SKAP1: variants seen among roughly 807,000 people sequenced by gnomAD.
SKAP1 encodes the protein src kinase associated phosphoprotein 1, also known as src kinase-associated phosphoprotein 1.
Under a neutral mutation model 58.5 loss-of-function variants are expected in SKAP1, and 44 were observed. The ratio of observed to expected loss-of-function variants is 0.75; its 90% CI spans 0.59 to 0.97. The LOEUF (loss-of-function observed/expected upper bound fraction) is 0.97, where lower values mean the gene tolerates loss of function less well. Among genes scored for constraint, SKAP1 ranks in the 50% least tolerant of loss-of-function variants. The pLI is 0.00. For synonymous variants in SKAP1, 127 were observed against 149.7 expected (o/e 0.85, Z 1.11); for missense variants, 390 against 435.2 (o/e 0.90, Z 0.92).
chr17:48,390,904 G>A (rs542605776), intron 2 of SKAP1, among the ~76,000 whole-genome samples: 54 of 152,132 alleles, frequency 3.5e-4, no homozygotes, highest in African/African-American at 1.3e-3. Flanking sequence ...GTGAAACCCC[G>A]TCTTCACTAA....
intron 4 of SKAP1, among the ~76,000 whole-genome samples, chr17:48,267,355 C>T (rs1332001539): frequency 3.3e-5 from 5 of 152,092 alleles, no homozygotes; most frequent in Non-Finnish European, 7.4e-5. Context: ...TAATGTTGAA[C>T]AAAAGGAACA....
intron 1 of SKAP1, among the ~76,000 whole-genome samples, chr17:48,413,523 A>AAAAAAATATATATATATAT: frequency 1.9e-5 from 2 of 105,508 alleles, no homozygotes; most frequent in African/African-American, 8.6e-5. Flanking sequence ...TCAAAAAAAA[A>AAAAAAATATATATATATAT]ATATATATAT....
At chr17:48,221,517 A>C (rs999149164) in intron 4 of SKAP1, among the ~76,000 whole-genome samples, 2 of 152,214 alleles carry the variant, frequency 1.3e-5, no homozygotes, top group African/African-American at 4.8e-5. Flanking sequence ...GGCATGGCTA[A>C]AAGAATTTGT....
chr17:48,426,751 T>C (rs1175596741), intron 1 of SKAP1, among the ~76,000 whole-genome samples: 1 of 152,204 alleles, frequency 6.6e-6, no homozygotes, highest in African/African-American at 2.4e-5. Context: ...ACTATTTCTA[T>C]ATGAGAGCTT....
intron 4 of SKAP1, among the ~76,000 whole-genome samples, chr17:48,214,393 A>T (rs1452709994): frequency 6.6e-6 from 1 of 152,206 alleles, no homozygotes; most frequent in Non-Finnish European, 1.5e-5. Context: ...CCTCTAAAAC[A>T]TATCAAACTT....
chr17:48,192,008 TG>T (rs898353397), intron 4 of SKAP1, among the ~76,000 whole-genome samples: 2 of 152,116 alleles, frequency 1.3e-5, no homozygotes, highest in African/African-American at 4.8e-5. Flanking sequence ...CTCTCTGAAG[TG>T]CTGTCAAAAA....
intron 1 of SKAP1, among the ~76,000 whole-genome samples, chr17:48,415,873 A>C (rs1242857141): frequency 1.3e-5 from 2 of 152,114 alleles, no homozygotes; most frequent in Non-Finnish European, 2.9e-5. Context: ...GGGGATAAAG[A>C]GTGCACTCCC....
At chr17:48,415,182 A>G (rs1171049556) in intron 1 of SKAP1, among the ~76,000 whole-genome samples, 1 of 152,172 alleles carries the variant, frequency 6.6e-6, no homozygotes, top group East Asian at 1.9e-4. Context: ...GTGTTCCTAG[A>G]GGGGAAATTT....
chr17:48,305,888 A>G (rs2066134540), intron 4 of SKAP1, among the ~76,000 whole-genome samples: 1 of 152,142 alleles, frequency 6.6e-6, no homozygotes, highest in Admixed American at 6.5e-5. Flanking sequence ...ACCAAAAAAA[A>G]ATTGTTGTGG....
At chr17:48,331,273 TA>T (rs922038753) in intron 4 of SKAP1, among the ~76,000 whole-genome samples, 23 of 151,850 alleles carry the variant, frequency 1.5e-4, no homozygotes, top group Admixed American at 1.1e-3. Context: ...GTGGATTTTT[TA>T]AAAAAAAATA....
At chr17:48,173,410 T>G (rs2064243965) in intron 9 of SKAP1, among the ~76,000 whole-genome samples, 1 of 152,126 alleles carries the variant, frequency 6.6e-6, no homozygotes, top group Non-Finnish European at 1.5e-5. Flanking sequence ...AGGAAACAGA[T>G]CATGCTGAAA....
intron 1 of SKAP1, among the ~76,000 whole-genome samples, chr17:48,429,455 C>CA (rs2144632827): frequency 6.6e-6 from 1 of 152,306 alleles, no homozygotes; most frequent in South Asian, 2.1e-4. Flanking sequence ...GAACACACCA[C>CA]AATGGGGGCA....
chr17:48,306,393 G>C (rs1316878561), intron 4 of SKAP1, among the ~76,000 whole-genome samples: 1 of 151,968 alleles, frequency 6.6e-6, no homozygotes, highest in Admixed American at 6.6e-5. Context: ...CTTTTTCAAG[G>C]CTTTGTTCAT....
rs758850569 is a variant in SKAP1 at position 48,184,785 on chromosome 17, G to T, written c.505C>A (p.Arg169=). ...CAGGATTCTTTCTTGGAATCTCTTC[G>T]CAGGTGGGGGGCCATCCGTACACCG... ...GYGVRMAPHL[R]RDSKKESCFE... The change falls in exon 7 of 13, where the codon CGA becomes AGA. Residue 169 remains arginine, a synonymous_variant. Transcript: ENST00000336915. 1 of 1,613,960 alleles carries T rather than the reference G, an allele frequency of 6.2e-7. No homozygotes were observed. The highest frequency in any genetic ancestry group is 8.5e-7 in the Non-Finnish European group (1 of 1,179,902).
intron 4 of SKAP1, among the ~76,000 whole-genome samples, chr17:48,196,506 G>T (rs989929615): frequency 2.6e-5 from 4 of 152,118 alleles, no homozygotes; most frequent in Non-Finnish European, 4.4e-5. Context: ...TGTCATCCAG[G>T]TAGTGAGCAC....
intron 4 of SKAP1, among the ~76,000 whole-genome samples, chr17:48,243,323 T>C (rs963138290): frequency 1.8e-4 from 28 of 152,158 alleles, no homozygotes; most frequent in Non-Finnish European, 1.0e-4. Flanking sequence ...AATAAGCCCA[T>C]GATTGGGTAT....
At chr17:48,258,676 G>A (rs1331652991) in intron 4 of SKAP1, among the ~76,000 whole-genome samples, 2 of 152,128 alleles carry the variant, frequency 1.3e-5, no homozygotes, top group African/African-American at 2.4e-5. Flanking sequence ...AATACTGCTT[G>A]TGTACCAGCT....
At chr17:48,421,994 C>T (rs780306653) in intron 1 of SKAP1, among the ~76,000 whole-genome samples, 1 of 152,030 alleles carries the variant, frequency 6.6e-6, no homozygotes, top group African/African-American at 2.4e-5. Context: ...GGGCAGATCA[C>T]GAGGCCAAGA....
At chr17:48,412,739 T>A (rs1331675352) in intron 1 of SKAP1, among the ~76,000 whole-genome samples, 1 of 152,212 alleles carries the variant, frequency 6.6e-6, no homozygotes, top group African/African-American at 2.4e-5. Flanking sequence ...AAATAGCCTA[T>A]GTAATTATAG....
Sources: gnomAD v4.1 joint callset for allele counts (sites outside exome capture counted in the v4.1 genomes callset) on GRCh38, gnomAD v4.1.1 for gene constraint, MANE v1.5 for transcripts, NCBI Gene and HGNC (gene_info 2026-07-23, HGNC 2026-07-21) for gene names.